LEPR: variants seen among roughly 807,000 people sequenced by gnomAD.
LEPR encodes OB receptor.
LEPR carries 56 observed loss-of-function variants against 114.7 expected under a neutral mutation model. The ratio of observed to expected loss-of-function variants is 0.49; its 90% CI spans 0.39 to 0.61. The LOEUF is 0.61. Ranked by LOEUF, LEPR falls within the 20% of genes least tolerant of loss-of-function variation. The pLI is 0.00. For synonymous variants in LEPR, 443 were observed against 461.4 expected (o/e 0.96, Z 0.51); for missense variants, 1,202 against 1,352.9 (o/e 0.89, Z 1.75).
At chr1:65,593,873 C>CT (rs56041441) in intron 6 of LEPR, among the ~76,000 whole-genome samples, 75,878 of 151,318 alleles carry the variant, frequency 0.5, 19,779 homozygotes, top group East Asian at 0.88. Context: ...ATTTTCTTTT[C>CT]TTTGAAAACT....
At chr1:65,472,833 T>C (rs1028917924) in intron 2 of LEPR, among the ~76,000 whole-genome samples, 1 of 152,142 alleles carries the variant, frequency 6.6e-6, no homozygotes, top group African/African-American at 2.4e-5. Context: ...CCACTGCTGG[T>C]TGGTTAGTAC....
At chr1:65,590,523 A>G (rs1409784987) in intron 5 of LEPR, among the ~76,000 whole-genome samples, 1 of 151,542 alleles carries the variant, frequency 6.6e-6, no homozygotes, top group Non-Finnish European at 1.5e-5. Flanking sequence ...GTGAGTTCTC[A>G]TGAGAGCTGA....
chr1:65,448,750 G>T (rs1430550652), intron 2 of LEPR, among the ~76,000 whole-genome samples: 1 of 152,182 alleles, frequency 6.6e-6, no homozygotes, highest in African/African-American at 2.4e-5. Context: ...AGTTTTGGCA[G>T]ATTATGTCTT....
At chr1:65,488,323 T>C (rs928044510) in intron 2 of LEPR, among the ~76,000 whole-genome samples, 32 of 138,912 alleles carry the variant, frequency 2.3e-4, no homozygotes, top group Non-Finnish European at 4.5e-4. Flanking sequence ...TCTTTTTTTC[T>C]TTCTTCTTCT....
chr1:65,498,476 G>T (rs944851671), intron 2 of LEPR, among the ~76,000 whole-genome samples: 1 of 152,046 alleles, frequency 6.6e-6, no homozygotes, highest in Non-Finnish European at 1.5e-5. Flanking sequence ...GGTAAATGCA[G>T]AGTAGATGGA....
intron 2 of LEPR, among the ~76,000 whole-genome samples, chr1:65,455,925 A>G (rs948729633): frequency 4.6e-5 from 7 of 152,128 alleles, no homozygotes; most frequent in Non-Finnish European, 1.0e-4. Flanking sequence ...TGTGCTAGCA[A>G]TCAGTGAGAC....
At chr1:65,537,533 T>C (rs1650864677) in intron 2 of LEPR, among the ~76,000 whole-genome samples, 1 of 152,142 alleles carries the variant, frequency 6.6e-6, no homozygotes, top group Non-Finnish European at 1.5e-5. Context: ...TTCACCTCCT[T>C]TTCTTTTTTG....
chr1:65,587,578 A>G (rs1032035739), intron 5 of LEPR, among the ~76,000 whole-genome samples: 5 of 152,034 alleles, frequency 3.3e-5, no homozygotes, highest in Admixed American at 6.6e-5. Flanking sequence ...TCACAAATAT[A>G]AACTTACTTG....
intron 2 of LEPR, among the ~76,000 whole-genome samples, chr1:65,552,745 T>C (rs866714649): frequency 2.0e-5 from 3 of 152,222 alleles, no homozygotes; most frequent in Middle Eastern, 3.2e-3. Flanking sequence ...TGTGTGAATT[T>C]GATCCTGTCA....
intron 2 of LEPR, chr1:65,526,315 T>A (rs1445399425): frequency 1.0e-6 from 1 of 985,264 alleles, no homozygotes; most frequent in African/African-American, 1.7e-5. Flanking sequence ...GCAAGCAAAT[T>A]AAACAACAAC....
At chr1:65,613,759 C>CAAA (rs754145031) in intron 14 of LEPR, among the ~76,000 whole-genome samples, 11 of 32,228 alleles carry the variant, frequency 3.4e-4, no homozygotes, top group Non-Finnish European at 4.1e-4. Context: ...GACTCCGTCT[C>CAAA]AAAAAAAAAA....
At chr1:65,509,445 A>T (rs1439414002) in intron 2 of LEPR, among the ~76,000 whole-genome samples, 3 of 148,562 alleles carry the variant, frequency 2.0e-5, no homozygotes, top group Non-Finnish European at 4.5e-5. Context: ...TATGATGATC[A>T]TATGTTTTTT....
rs376317787 is a variant in LEPR at position 65,473,281 on chromosome 1, T to C, written c.-21+47903T>C. The stretch of plus-strand genomic sequence containing the variant: ...AAGGATCTAGTCTGGCTAAATCCAA[T>C]GCCTAGGCCAATTTCTTGACACCAT... On this transcript the variant is annotated intron_variant, in intron 2 of 19. Coordinates refer to ENST00000349533, the MANE Select transcript of LEPR (RefSeq NM_002303.6). Among the ~76,000 whole-genome samples the C allele has an allele frequency of 6.0e-4, 92 of 152,328 alleles. 1 individual carries two copies. Among genetic ancestry groups the C allele is most frequent in the African/African-American group, 2.1e-3 (88 of 41,592 alleles).
At position 65,605,027 on chromosome 1, in the gene LEPR, AT is replaced by A. The variant is rs745394919; in HGVS notation, c.1404-10del. ...ATGTATACTAATTGACTATTTTTGT[AT>A]CTTTTAAAGGAGCAGCCTTTACTGT... is the stretch of plus-strand genomic sequence containing the variant. On this transcript the variant is annotated splice_polypyrimidine_tract_variant and intron_variant, in intron 10 of 19. Transcript: ENST00000349533. 3.7e-6 allele frequency: 6 copies of A among 1,611,108 alleles called. No individual in the cohort carries two copies. The highest frequency in any genetic ancestry group is 5.1e-6 in the Non-Finnish European group (6 of 1,179,850).
chr1:65,610,354 T>G, intron 14 of LEPR, 58 bp downstream of exon 14: 1 of 1,370,868 alleles, frequency 7.3e-7, no homozygotes, highest in Admixed American at 1.9e-5. Context: ...AAAAATTTAC[T>G]TCATGGTCCA....
At chr1:65,589,641 A>T (rs1442248038) in intron 5 of LEPR, among the ~76,000 whole-genome samples, 1 of 152,020 alleles carries the variant, frequency 6.6e-6, no homozygotes, top group East Asian at 1.9e-4. Context: ...TTGCATATAG[A>T]TATTCCATTG....
At chr1:65,542,687 C>T (rs1651322911) in intron 2 of LEPR, among the ~76,000 whole-genome samples, 2 of 151,908 alleles carry the variant, frequency 1.3e-5, no homozygotes, top group Non-Finnish European at 2.9e-5. Context: ...TTGTTCAACT[C>T]CCACTTGTGA....
At chr1:65,635,342 CT>C in intron 19 of LEPR, 2 of 984,196 alleles carry the variant, frequency 2.0e-6, no homozygotes, top group Non-Finnish European at 2.4e-6. Context: ...ATGAATTGAG[CT>C]TTTTGCCCAC....
chr1:65,439,254 GA>G (rs1173101964), intron 2 of LEPR, among the ~76,000 whole-genome samples: 1 of 152,046 alleles, frequency 6.6e-6, no homozygotes, highest in Non-Finnish European at 1.5e-5. Flanking sequence ...AGATTTTTAG[GA>G]GAAATTAATA....
Sources: allele counts gnomAD v4.1 joint callset (sites outside exome capture counted in the v4.1 genomes callset), GRCh38; gene constraint gnomAD v4.1.1; transcripts MANE v1.5; gene names NCBI Gene and HGNC (gene_info 2026-07-23, HGNC 2026-07-21).